STK32A: variants seen among roughly 807,000 people sequenced by gnomAD.
The protein encoded by STK32A is serine/threonine kinase 32A, also known as serine/threonine-protein kinase 32A.
In STK32A, 41 loss-of-function variants were observed where a neutral mutation model predicts 53.2. That is an observed-to-expected ratio of 0.77 (90% CI 0.60 to 1.00). The LOEUF is 1.00. STK32A is among the 50% of genes least tolerant of loss of function. The pLI is 0.00. For synonymous variants in STK32A, 166 were observed against 162.8 expected (o/e 1.02, Z -0.15); for missense variants, 458 against 485.8 (o/e 0.94, Z 0.54).
At chr5:147,296,846 CT>C (rs1752890739) in intron 4 of STK32A, among the ~76,000 whole-genome samples, 1 of 152,100 alleles carries the variant, frequency 6.6e-6, no homozygotes, top group South Asian at 2.1e-4. Flanking sequence ...AACAGACCAA[CT>C]TAGTTAAATA....
chr5:147,246,888 A>G (rs1580981619), intron 2 of STK32A, among the ~76,000 whole-genome samples: 2 of 152,238 alleles, frequency 1.3e-5, no homozygotes, highest in East Asian at 1.9e-4. Flanking sequence ...TAGTTAAAGT[A>G]CAAGTTGGAT....
intron 5 of STK32A, among the ~76,000 whole-genome samples, chr5:147,326,897 T>G (rs1327760203): frequency 6.6e-6 from 1 of 152,170 alleles, no homozygotes; most frequent in Admixed American, 6.5e-5. Flanking sequence ...TTTTTTATTT[T>G]TTGTAGAGAC....
chr5:147,330,806 A>T (rs1754831905), intron 5 of STK32A, among the ~76,000 whole-genome samples: 1 of 152,212 alleles, frequency 6.6e-6, no homozygotes, highest in Admixed American at 6.5e-5. Context: ...ACCTGTCTAC[A>T]GAGCCTGTGA....
At chr5:147,254,403 T>C (rs1754132240) in intron 2 of STK32A, among the ~76,000 whole-genome samples, 2 of 152,226 alleles carry the variant, frequency 1.3e-5, no homozygotes, top group African/African-American at 4.8e-5. Context: ...CACTTTGCTT[T>C]ACATACTAAG....
At chr5:147,318,433 C>T (rs947187952) in intron 4 of STK32A, among the ~76,000 whole-genome samples, 5 of 151,714 alleles carry the variant, frequency 3.3e-5, no homozygotes, top group African/African-American at 4.8e-5. Context: ...TATCTTGGCA[C>T]AGTTTTTCGA....
intron 8 of STK32A, among the ~76,000 whole-genome samples, chr5:147,362,633 T>C (rs954642734): frequency 1.3e-5 from 2 of 152,204 alleles, no homozygotes; most frequent in African/African-American, 4.8e-5. Context: ...GCAAAATACA[T>C]ACATTCAACA....
At chr5:147,394,152 A>AG in the STK32A span, 2 of 1,474,262 alleles carry the variant, frequency 1.4e-6, no homozygotes, top group East Asian at 2.4e-5. Flanking sequence ...TCCCAGGGGG[A>AG]AAAAAAAAAC....
chr5:147,240,600 A>G (rs763965473), intron 2 of STK32A, among the ~76,000 whole-genome samples: 1 of 152,244 alleles, frequency 6.6e-6, no homozygotes, highest in Non-Finnish European at 1.5e-5. Flanking sequence ...TTCCCACTCA[A>G]GAAGTTTATC....
At chr5:147,275,761 C>T (rs1446891503) in intron 2 of STK32A, among the ~76,000 whole-genome samples, 1 of 152,242 alleles carries the variant, frequency 6.6e-6, no homozygotes, top group South Asian at 2.1e-4. Context: ...ATGAATTGCT[C>T]TAAGGCTTTA....
At chr5:147,357,690 T>C (rs191312376) in intron 7 of STK32A, among the ~76,000 whole-genome samples, 27 of 152,210 alleles carry the variant, frequency 1.8e-4, no homozygotes, top group African/African-American at 6.3e-4. Context: ...TACCAGATTT[T>C]AGATGTGTTT....
intron 7 of STK32A, among the ~76,000 whole-genome samples, chr5:147,358,271 G>T (rs34114519): frequency 6.6e-6 from 1 of 152,040 alleles, no homozygotes; most frequent in Non-Finnish European, 1.5e-5. Context: ...GGCAATAAAG[G>T]GTCAGTTATT....
intron 2 of STK32A, among the ~76,000 whole-genome samples, chr5:147,250,186 C>T (rs751704230): frequency 6.6e-6 from 1 of 151,956 alleles, no homozygotes; most frequent in Admixed American, 6.6e-5. Context: ...GGGTTTGGGA[C>T]CCTGCTCACA....
At chr5:147,319,782 T>C (rs1230602309) in intron 4 of STK32A, among the ~76,000 whole-genome samples, 1 of 152,314 alleles carries the variant, frequency 6.6e-6, no homozygotes, top group East Asian at 1.9e-4. Flanking sequence ...GCACTCCCTG[T>C]TCAGGGTCAG....
Position 147,279,282 on chromosome 5 carries a change from G to A in STK32A, c.144G>A (p.Met48Ile). ...CIVQKNDTKK[M>I]YAMKYMNKQK... Reference sequence around the variant, plus strand: ...TACAGAAGAATGATACCAAGAAGATGTACGCAATGAAGTACATGAATAAAC... The same window carrying A: ...TACAGAAGAATGATACCAAGAAGATATACGCAATGAAGTACATGAATAAAC... The change falls in exon 4 of 13, where the codon ATG (methionine) becomes ATA (isoleucine). Residue 48 changes from methionine (M) to isoleucine (I), a missense_variant. Coordinates refer to ENST00000397936, the MANE Select transcript of STK32A (RefSeq NM_001112724.2). The A allele has an allele frequency of 5.0e-6, 8 of 1,613,930 alleles. No homozygotes were observed. Among genetic ancestry groups the A allele is most frequent in the Non-Finnish European group, 6.8e-6 (8 of 1,179,860 alleles).
chr5:147,357,002 G>T (rs956367377), intron 7 of STK32A, among the ~76,000 whole-genome samples: 1 of 152,068 alleles, frequency 6.6e-6, no homozygotes, highest in Admixed American at 6.6e-5. Context: ...AGAAAATTTT[G>T]TGTTCTCACC....
chr5:147,384,208 G>A lies in STK32A; in HGVS notation c.*225G>A, dbSNP rs1757564248. ...TGTGTGATCTAGAGCAAGTCACTTA[G>A]CCACTTTCTGTGCTTTACTTTATTT... On this transcript the variant is annotated 3_prime_UTR_variant, in exon 13 of 13. Transcript: ENST00000397936. 7.2e-7 allele frequency: 1 copy of A among 1,393,602 alleles called. No homozygotes were observed. The highest frequency in any genetic ancestry group is 9.3e-7 in the Non-Finnish European group (1 of 1,076,796). The allele number at this position is 1,393,602 out of a possible 1,614,324, so 86.3% of individuals were successfully genotyped here. A position where few individuals can be genotyped will look rare whatever the true frequency, so the allele number is the denominator to read the frequency against.
intron 10 of STK32A, 40 bp from the exon 11 acceptor site, chr5:147,375,050 T>C: frequency 1.9e-6 from 3 of 1,561,846 alleles, no homozygotes; most frequent in Non-Finnish European, 2.6e-6. Context: ...TTCAGAATGA[T>C]ACAGTAATCT....
chr5:147,306,535 AAC>A (rs1283210512), intron 4 of STK32A, among the ~76,000 whole-genome samples: 4 of 150,974 alleles, frequency 2.6e-5, no homozygotes, highest in East Asian at 3.9e-4. Flanking sequence ...TATAATTTGT[AAC>A]ACATATTTAA....
intron 5 of STK32A, among the ~76,000 whole-genome samples, chr5:147,330,514 G>T (rs774690999): frequency 3.3e-5 from 5 of 152,180 alleles, no homozygotes; most frequent in Non-Finnish European, 5.9e-5. Context: ...AATCCTGGGG[G>T]TCACCGTACA....
Sources: allele counts gnomAD v4.1 joint callset (sites outside exome capture counted in the v4.1 genomes callset), GRCh38; gene constraint gnomAD v4.1.1; transcripts MANE v1.5; gene names NCBI Gene and HGNC (gene_info 2026-07-23, HGNC 2026-07-21).